The following U2SURP variants were observed in gnomAD, a reference collection of about 807,000 sequenced individuals.
U2SURP encodes U2 snRNP-associated SURP motif-containing protein.
U2SURP carries 9 observed loss-of-function variants against 144.9 expected under a neutral mutation model. That is an observed-to-expected ratio of 0.06 (90% CI 0.04 to 0.11). The LOEUF (loss-of-function observed/expected upper bound fraction) is 0.11, where lower values mean the gene tolerates loss of function less well. U2SURP is among the 10% of genes least tolerant of loss of function. U2SURP has a pLI of 1.00. For synonymous variants in U2SURP, 408 were observed against 396.8 expected, an observed-to-expected ratio of 1.03 and a Z score of -0.33; for missense variants, 724 against 1,226.7, an observed-to-expected ratio of 0.59 and a Z score of 6.12.
intron 1 of U2SURP, among the ~76,000 whole-genome samples, chr3:143,006,017 C>CA (rs1935811056): frequency 6.6e-6 from 1 of 152,076 alleles, no homozygotes; most frequent in Admixed American, 6.6e-5. Flanking sequence ...TTTTTGAAAG[C>CA]AAGATACATT....
At chr3:143,026,262 G>T (rs1933140755) in intron 13 of U2SURP, 1 of 152,092 alleles carries the variant, frequency 6.6e-6, no homozygotes, top group East Asian at 1.9e-4. Context: ...TCAATAAAAT[G>T]ACTGTACTAA....
intron 5 of U2SURP, among the ~76,000 whole-genome samples, 183 bp downstream of exon 5, chr3:143,016,554 G>C (rs1936377345): frequency 6.6e-6 from 1 of 152,140 alleles, no homozygotes; most frequent in South Asian, 2.1e-4. Flanking sequence ...AAATGGCCAA[G>C]TGTCAATTAA....
intron 25 of U2SURP, among the ~76,000 whole-genome samples, chr3:143,052,821 C>T (rs1195153445): frequency 6.6e-6 from 1 of 152,296 alleles, no homozygotes; most frequent in East Asian, 1.9e-4. Flanking sequence ...AAATTAAATT[C>T]CATTTAGTGA....
intron 16 of U2SURP, among the ~76,000 whole-genome samples, chr3:143,030,817 A>G (rs2108292834): frequency 6.6e-6 from 1 of 152,278 alleles, no homozygotes; most frequent in East Asian, 1.9e-4. Context: ...AGGCCGAGGC[A>G]GGAGGATAGC....
At chr3:143,017,225 G>A (rs1197028556) in intron 6 of U2SURP, 1 of 315,858 alleles carries the variant, frequency 3.2e-6, no homozygotes, top group Non-Finnish European at 5.7e-6. Context: ...TATATTGCAA[G>A]TCAAAAATTG....
rs1935183573 is a variant in U2SURP, at chr3:143,057,046, A to G, written c.*596A>G. 6.6e-6 allele frequency: 1 copy of G among 152,552 alleles called. No homozygotes were observed. The highest frequency in any genetic ancestry group is 6.6e-5 in the Admixed American group (1 of 15,266). 9.4% of individuals were successfully genotyped at this position (152,552 alleles called of 1,614,324 possible). The stretch of plus-strand genomic sequence containing the variant: ...GTGGTTTGCTAACCATTTGCTTTTG[A>G]TAAGTTTCTCTTGGGTAATACTAAT... On this transcript the variant is annotated 3_prime_UTR_variant, in exon 28 of 28. Transcript: ENST00000473835.
At position 143,024,056 on chromosome 3, in the gene U2SURP, G is replaced by A. The variant is rs767530061; in HGVS notation, c.1274+38G>A. On this transcript the variant is annotated intron_variant, in intron 13 of 27. Transcript: ENST00000473835. Reference sequence around the variant, plus strand: ...CTTTATTATTACTGATCTAAATATAGACAATATCCCCTTCTGAATTTAAAA... The same window carrying A: ...CTTTATTATTACTGATCTAAATATAAACAATATCCCCTTCTGAATTTAAAA... 4 of 1,537,982 alleles carry A rather than the reference G, an allele frequency of 2.6e-6. No individual in the cohort carries two copies. In the Admixed American group the frequency reaches 6.7e-5, roughly 26 times the overall value.
chr3:143,028,573 C>T lies in U2SURP; in HGVS notation c.1537C>T (p.His513Tyr). ...WRPPPLNPYL[H>Y]GMSEEQETEA... Reference sequence around the variant, plus strand: ...GCCACCACCATTAAATCCGTACTTGCATGGAATGTCAGAAGAGCAAGAAAC... The same window carrying T: ...GCCACCACCATTAAATCCGTACTTGTATGGAATGTCAGAAGAGCAAGAAAC... Residue 513 changes from histidine (H) to tyrosine (Y), a missense_variant, in exon 16 of 28, where the codon CAT (histidine) becomes TAT (tyrosine). This residue lies in a region of U2SURP where 66 missense variants were observed against 95.0 expected (regional missense o/e 0.69). Coordinates refer to ENST00000473835, the MANE Select transcript of U2SURP (RefSeq NM_001080415.2). 3 of 1,601,314 alleles carry T rather than the reference C, an allele frequency of 1.9e-6. No individual in the cohort carries two copies. Among genetic ancestry groups the T allele is most frequent in the Non-Finnish European group, 2.5e-6 (3 of 1,176,688 alleles).
At chr3:143,016,480 G>T in intron 5 of U2SURP, 109 bp downstream of exon 5, 3 of 975,888 alleles carry the variant, frequency 3.1e-6, no homozygotes, top group Non-Finnish European at 3.0e-6. Flanking sequence ...AAGGAAGTTT[G>T]GTTGCTTTTG....
At chr3:143,015,733 T>C (rs1936339709) in intron 4 of U2SURP, among the ~76,000 whole-genome samples, 1 of 152,082 alleles carries the variant, frequency 6.6e-6, no homozygotes, top group South Asian at 2.1e-4. Flanking sequence ...CTTTCTTCTG[T>C]TCATACATGT....
At position 143,037,228 on chromosome 3, in the gene U2SURP, G is replaced by T; in HGVS notation, c.2114G>T (p.Gly705Val). 6.2e-7 allele frequency: 1 copy of T among 1,612,628 alleles called. No individual in the cohort carries two copies. Among genetic ancestry groups the T allele is most frequent in the Non-Finnish European group, 8.5e-7 (1 of 1,179,254 alleles). The change falls in exon 21 of 28, where the codon GGT becomes GTT. Residue 705 changes from glycine to valine, a missense_variant. This residue lies in a region of U2SURP where 116 missense variants were observed against 167.9 expected (regional missense o/e 0.69). Coordinates refer to ENST00000473835, the MANE Select transcript of U2SURP (RefSeq NM_001080415.2). ...GCCCCCATCGAGGAAGAGCTTGATG[G>T]TGCACCTCTGGAAGATGTAGATGGA... The part of the protein sequence containing the change: ...DGAPIEEELD[G>V]APLEDVDGIP...
intron 13 of U2SURP, 23 bp from the exon 14 acceptor site, chr3:143,027,126 C>A: frequency 6.3e-7 from 1 of 1,581,732 alleles, no homozygotes; most frequent in Non-Finnish European, 8.7e-7. Context: ...AATCCATTTT[C>A]TTTAACTGTG....
chr3:143,033,060 T>A (rs367684045), intron 17 of U2SURP, 114 bp downstream of exon 17: 5 of 1,217,472 alleles, frequency 4.1e-6, no homozygotes, highest in Non-Finnish European at 5.7e-6. Flanking sequence ...TGCAGTCTTA[T>A]GTTATTTCTG....
intron 14 of U2SURP, among the ~76,000 whole-genome samples, chr3:143,028,033 A>T (rs1159599293): frequency 6.6e-6 from 1 of 152,118 alleles, no homozygotes; most frequent in African/African-American, 2.4e-5. Context: ...TTTTGTAATT[A>T]CATATTGGGA....
chr3:143,043,719 A>ATG (rs1398042042), intron 24 of U2SURP, among the ~76,000 whole-genome samples: 1 of 15,510 alleles, frequency 6.4e-5, no homozygotes, highest in Non-Finnish European at 1.1e-4. Flanking sequence ...GATTATATGT[A>ATG]TATATATATA....
At chr3:143,025,330 T>C (rs1933073849) in intron 13 of U2SURP, among the ~76,000 whole-genome samples, 1 of 152,182 alleles carries the variant, frequency 6.6e-6, no homozygotes, top group Admixed American at 6.5e-5. Context: ...AAATTTTGAG[T>C]GTGCGTTTTG....
intron 13 of U2SURP, chr3:143,026,900 A>G (rs548704616): frequency 2.7e-4 from 82 of 300,164 alleles, no homozygotes; most frequent in Admixed American, 1.4e-3. Context: ...AAATATTACT[A>G]TGAGGCTGTA....
At chr3:143,054,392 G>C (rs1935042015) in intron 26 of U2SURP, among the ~76,000 whole-genome samples, 1 of 152,156 alleles carries the variant, frequency 6.6e-6, no homozygotes, top group Non-Finnish European at 1.5e-5. Flanking sequence ...TCACGCTACA[G>C]ATAGTTACAA....
At chr3:143,017,674 G>T (rs1936438589) in intron 6 of U2SURP, among the ~76,000 whole-genome samples, 1 of 151,894 alleles carries the variant, frequency 6.6e-6, no homozygotes, top group Non-Finnish European at 1.5e-5. Context: ...AGGCTAGAGT[G>T]TAGTAGTGTG....
Sources: gnomAD v4.1 joint callset for allele counts (sites outside exome capture counted in the v4.1 genomes callset) on GRCh38, gnomAD v4.1.1 for gene constraint, gnomAD v4.1.1 regional missense constraint, MANE v1.5 for transcripts, NCBI Gene and HGNC (gene_info 2026-07-23, HGNC 2026-07-21) for gene names.